DENND1A: variants seen among roughly 807,000 people sequenced by gnomAD.
DENND1A encodes the protein DENN domain containing 1A.
A neutral mutation model predicts 113.7 loss-of-function variants in DENND1A; 51 were observed. The ratio of observed to expected loss-of-function variants is 0.45; its 90% CI spans 0.36 to 0.57. The LOEUF (loss-of-function observed/expected upper bound fraction) is 0.57. Ranked by LOEUF, DENND1A falls within the 20% of genes least tolerant of loss-of-function variation. DENND1A has a pLI of 0.00. For synonymous variants in DENND1A, 565 were observed against 570.8 expected (o/e 0.99, Z 0.14); for missense variants, 1,258 against 1,395.9 (o/e 0.90, Z 1.57).
At chr9:123,442,112 C>T (rs2046972561) in intron 18 of DENND1A, among the ~76,000 whole-genome samples, 1 of 152,186 alleles carries the variant, frequency 6.6e-6, no homozygotes, top group South Asian at 2.1e-4. Flanking sequence ...TACCATATTA[C>T]TACCAATTAC....
At chr9:123,828,445 T>A (rs766576082) in intron 2 of DENND1A, among the ~76,000 whole-genome samples, 1 of 151,830 alleles carries the variant, frequency 6.6e-6, no homozygotes, top group Non-Finnish European at 1.5e-5. Flanking sequence ...AGAAAAAAGA[T>A]AGAAAGAGAA....
At chr9:123,495,914 A>G (rs1264953849) in intron 13 of DENND1A, among the ~76,000 whole-genome samples, 2 of 152,236 alleles carry the variant, frequency 1.3e-5, no homozygotes, top group Non-Finnish European at 2.9e-5. Flanking sequence ...ACAGCAGCTT[A>G]ATGTTGTCCG....
intron 13 of DENND1A, among the ~76,000 whole-genome samples, chr9:123,546,264 A>G (rs1367770689): frequency 6.6e-6 from 1 of 151,988 alleles, no homozygotes; most frequent in African/African-American, 2.4e-5. Flanking sequence ...AAAACTAAGT[A>G]TTGGCCGGGC....
chr9:123,686,574 C>A (rs1412273558), intron 5 of DENND1A, among the ~76,000 whole-genome samples: 2 of 152,212 alleles, frequency 1.3e-5, no homozygotes, highest in African/African-American at 4.8e-5. Flanking sequence ...TGTGTCAGCT[C>A]TTTATTGCTT....
At chr9:123,487,233 A>G (rs2133889125) in intron 13 of DENND1A, among the ~76,000 whole-genome samples, 1 of 152,340 alleles carries the variant, frequency 6.6e-6, no homozygotes, top group East Asian at 1.9e-4. Context: ...TATATAAGCC[A>G]AGAAATTCTC....
chr9:123,839,159 C>G, intron 2 of DENND1A, among the ~76,000 whole-genome samples: 1 of 152,148 alleles, frequency 6.6e-6, no homozygotes, highest in East Asian at 1.9e-4. Flanking sequence ...ATCATATAGA[C>G]CACTTTGAAC....
chr9:123,444,338 G>A (rs1271662920), intron 18 of DENND1A, among the ~76,000 whole-genome samples: 1 of 152,156 alleles, frequency 6.6e-6, no homozygotes, highest in Non-Finnish European at 1.5e-5. Context: ...ATGTATATAT[G>A]TCCATCAGAT....
chr9:123,425,115 A>G (rs950891005), intron 19 of DENND1A, among the ~76,000 whole-genome samples: 2 of 152,214 alleles, frequency 1.3e-5, no homozygotes, highest in African/African-American at 4.8e-5. Flanking sequence ...GTGATCTCGC[A>G]TGTGGTATAT....
At chr9:123,801,847 C>T (rs1196600323) in intron 2 of DENND1A, among the ~76,000 whole-genome samples, 3 of 152,130 alleles carry the variant, frequency 2.0e-5, no homozygotes, top group African/African-American at 7.2e-5. Flanking sequence ...TTTAACTTTC[C>T]CACAAAACTT....
intron 13 of DENND1A, among the ~76,000 whole-genome samples, chr9:123,525,776 T>TG (rs35743534): frequency 2.0e-5 from 3 of 148,418 alleles, no homozygotes; most frequent in Non-Finnish European, 4.5e-5. Context: ...TTTTTTTTTT[T>TG]GAGACAGGGT....
At chr9:123,403,177 C>T (rs1436789573) in intron 21 of DENND1A, among the ~76,000 whole-genome samples, 1 of 152,232 alleles carries the variant, frequency 6.6e-6, no homozygotes, top group Non-Finnish European at 1.5e-5. Context: ...CCTCGAAATC[C>T]AGCCCAAGTG....
chr9:123,673,498 T>C (rs2063866310), intron 6 of DENND1A, among the ~76,000 whole-genome samples: 1 of 152,228 alleles, frequency 6.6e-6, no homozygotes, highest in Non-Finnish European at 1.5e-5. Flanking sequence ...ATCTTATACT[T>C]TCCCTGCCTC....
chr9:123,830,311 T>C (rs963961492), intron 2 of DENND1A, among the ~76,000 whole-genome samples: 2 of 152,048 alleles, frequency 1.3e-5, no homozygotes, highest in African/African-American at 2.4e-5. Flanking sequence ...TAATCTATGG[T>C]AACATAAATC....
intron 20 of DENND1A, among the ~76,000 whole-genome samples, chr9:123,409,139 T>A (rs1172179182): frequency 6.6e-6 from 1 of 152,092 alleles, no homozygotes; most frequent in East Asian, 1.9e-4. Flanking sequence ...AGACAATAAT[T>A]ACACAAGTGC....
chr9:123,517,713 G>A (rs757425938), intron 13 of DENND1A, among the ~76,000 whole-genome samples: 10 of 152,044 alleles, frequency 6.6e-5, no homozygotes, highest in Non-Finnish European at 1.0e-4. Context: ...GCAAATTCAA[G>A]CAGAGGAATT....
At chr9:123,917,275 A>G (rs1358601639) in intron 1 of DENND1A, among the ~76,000 whole-genome samples, 10 of 152,142 alleles carry the variant, frequency 6.6e-5, no homozygotes, top group African/African-American at 2.2e-4. Flanking sequence ...TGACTTTAAA[A>G]CAGTAATTTG....
intron 13 of DENND1A, among the ~76,000 whole-genome samples, chr9:123,469,636 G>C (rs142664212): frequency 6.6e-6 from 1 of 152,222 alleles, no homozygotes; most frequent in Non-Finnish European, 1.5e-5. Flanking sequence ...GCATACTAGC[G>C]TAAGATTTTC....
chr9:123,578,023 C>T (rs2136552995), intron 12 of DENND1A, among the ~76,000 whole-genome samples: 1 of 152,286 alleles, frequency 6.6e-6, no homozygotes, highest in South Asian at 2.1e-4. Context: ...AACTGTTCAT[C>T]TTATAGTTTC....
intron 1 of DENND1A, among the ~76,000 whole-genome samples, chr9:123,907,412 G>C (rs1016540024): frequency 2.6e-5 from 4 of 152,028 alleles, no homozygotes; most frequent in Admixed American, 6.6e-5. Context: ...AATTGTCCCT[G>C]TTTGCAGATG....
Sources: allele counts gnomAD v4.1 joint callset (sites outside exome capture counted in the v4.1 genomes callset), GRCh38; gene constraint gnomAD v4.1.1; transcripts MANE v1.5; gene names NCBI Gene and HGNC (gene_info 2026-07-23, HGNC 2026-07-21).